DNMBP: variants seen among roughly 807,000 people sequenced by gnomAD.
The protein encoded by DNMBP is dynamin binding protein.
Under a neutral mutation model 150.0 loss-of-function variants are expected in DNMBP, and 87 were observed. The ratio of observed to expected loss-of-function variants is 0.58; its 90% CI spans 0.49 to 0.69. The LOEUF is 0.69. Among genes scored for constraint, DNMBP ranks in the 30% least tolerant of loss-of-function variants. The probability of loss-of-function intolerance (pLI) is 0.00; values close to 1 mark genes in which losing one functional copy is unlikely to be tolerated. For synonymous variants in DNMBP, 711 were observed against 750.4 expected (o/e 0.95, Z 0.86); for missense variants, 1,774 against 1,949.0 (o/e 0.91, Z 1.69).
chr10:99,908,097 G>A lies in DNMBP; in HGVS notation c.2455-3C>T. 6.2e-7 allele frequency: 1 copy of A among 1,603,714 alleles called. No individual in the cohort carries two copies. Among genetic ancestry groups the A allele is most frequent in the Non-Finnish European group, 8.5e-7 (1 of 1,170,764 alleles). On this transcript the variant is annotated splice_region_variant and splice_polypyrimidine_tract_variant and intron_variant, in intron 5 of 16. Coordinates refer to ENST00000324109, the MANE Select transcript of DNMBP (RefSeq NM_015221.4). ...CCCTCAAAATCAATGTTTGGTACCTGAGAAAAGGAAACAAAACATAAAAAT... is the reference window on the plus strand; with the variant it reads ...CCCTCAAAATCAATGTTTGGTACCTAAGAAAAGGAAACAAAACATAAAAAT...
At chr10:99,984,325 A>G (rs1463511059) in intron 1 of DNMBP, among the ~76,000 whole-genome samples, 2 of 152,210 alleles carry the variant, frequency 1.3e-5, no homozygotes, top group Non-Finnish European at 2.9e-5. Context: ...ATGAATCTCA[A>G]TTATGGGTGG....
At chr10:99,942,132 G>A (rs1230875854) in intron 4 of DNMBP, among the ~76,000 whole-genome samples, 1 of 152,088 alleles carries the variant, frequency 6.6e-6, no homozygotes, top group Middle Eastern at 3.2e-3. Flanking sequence ...CATTCTTGCT[G>A]TCTTATCTGT....
intron 7 of DNMBP, 58 bp from the exon 8 acceptor site, chr10:99,898,818 G>A: frequency 6.7e-7 from 1 of 1,495,912 alleles, no homozygotes. Flanking sequence ...AGAATCTTGA[G>A]TTTCACATTT....
intron 4 of DNMBP, among the ~76,000 whole-genome samples, chr10:99,948,758 T>C (rs1589433963): frequency 6.6e-6 from 1 of 151,834 alleles, no homozygotes; most frequent in African/African-American, 2.4e-5. Flanking sequence ...AGGCTAGGAG[T>C]TCGAGACCAG....
chr10:99,882,315 C>T (rs2133193355), intron 15 of DNMBP, among the ~76,000 whole-genome samples: 1 of 152,274 alleles, frequency 6.6e-6, no homozygotes, highest in Non-Finnish European at 1.5e-5. Context: ...GTTACTATAG[C>T]TAATGATAAT....
chr10:99,888,992 G>C, intron 11 of DNMBP, 39 bp from the exon 12 acceptor site: 1 of 1,607,552 alleles, frequency 6.2e-7, no homozygotes, highest in Non-Finnish European at 8.5e-7. Flanking sequence ...AGAACAGACA[G>C]AACTTTCCAG....
At chr10:99,998,702 G>C (rs2040979764) in intron 1 of DNMBP, among the ~76,000 whole-genome samples, 1 of 152,002 alleles carries the variant, frequency 6.6e-6, no homozygotes, top group African/African-American at 2.4e-5. Context: ...TGTGAACATT[G>C]ACTAGACTGT....
intron 1 of DNMBP, among the ~76,000 whole-genome samples, chr10:99,981,800 G>A (rs1394133414): frequency 6.6e-6 from 1 of 152,194 alleles, no homozygotes; most frequent in East Asian, 1.9e-4. Flanking sequence ...TCTGAAGGCA[G>A]AGGGACAGTG....
intron 4 of DNMBP, among the ~76,000 whole-genome samples, chr10:99,936,415 T>C (rs899772187): frequency 1.3e-5 from 2 of 152,116 alleles, no homozygotes; most frequent in African/African-American, 4.8e-5. Flanking sequence ...ATTTTCAGGA[T>C]AGGGACAGTT....
intron 4 of DNMBP, chr10:99,929,951 T>C: frequency 1.4e-6 from 1 of 702,896 alleles, no homozygotes; most frequent in Non-Finnish European, 2.6e-6. Flanking sequence ...AGTTTGCAAA[T>C]AAAGCATCAT....
chr10:99,902,303 C>CTTTTTTTTT (rs34120125), intron 6 of DNMBP, among the ~76,000 whole-genome samples: 27 of 82,772 alleles, frequency 3.3e-4, no homozygotes, highest in Admixed American at 7.1e-4. Flanking sequence ...AGCCTCCCTT[C>CTTTTTTTTT]TTTTTTTTTT....
At chr10:99,883,946 C>T (rs533025422) in intron 15 of DNMBP, 65 bp downstream of exon 15, 146 of 1,487,258 alleles carry the variant, frequency 9.8e-5, no homozygotes, top group Non-Finnish European at 1.3e-4. Flanking sequence ...AGTCCAGATT[C>T]GGGTGCAGCC....
In DNMBP at chr10:99,886,789, T is replaced by A. The variant is rs74155714; in HGVS notation, c.3286-157A>T. 1.2e-3 allele frequency among the ~76,000 whole-genome samples: 183 copies of A among 152,282 alleles called. 1 individual carries two copies. Among genetic ancestry groups the A allele is most frequent in the African/African-American group, 4.3e-3 (179 of 41,558 alleles). ...ATACAGATCTACAACAGTATTCTAC[T>A]AACCCATCACTAGCCTCTACTTAAA... is the stretch of plus-strand genomic sequence containing the variant. On this transcript the variant is annotated intron_variant, in intron 12 of 16. Transcript: ENST00000324109.
intron 6 of DNMBP, 88 bp from the exon 7 acceptor site, chr10:99,900,154 C>T: frequency 1.5e-6 from 2 of 1,310,974 alleles, no homozygotes; most frequent in Non-Finnish European, 1.1e-6. Context: ...ACTTTAGTAC[C>T]AGCTAAATCC....
intron 16 of DNMBP, among the ~76,000 whole-genome samples, chr10:99,878,293 GGGA>G (rs922433025): frequency 2.5e-4 from 38 of 152,330 alleles, no homozygotes; most frequent in African/African-American, 7.0e-4. Context: ...GAGGAGCTCA[GGGA>G]GGAGGAGAAG....
At chr10:99,917,649 C>T (rs1019924289) in intron 4 of DNMBP, among the ~76,000 whole-genome samples, 1 of 152,120 alleles carries the variant, frequency 6.6e-6, no homozygotes, top group Admixed American at 6.5e-5. Flanking sequence ...TCTTTCCTGA[C>T]CTATCAATCC....
At chr10:100,003,568 T>C (rs143899237) in intron 1 of DNMBP, among the ~76,000 whole-genome samples, 1 of 152,180 alleles carries the variant, frequency 6.6e-6, no homozygotes, top group Admixed American at 6.5e-5. Flanking sequence ...TTGGATGGAA[T>C]GAGTTACTAT....
At chr10:99,989,286 A>G (rs1445396437) in intron 1 of DNMBP, among the ~76,000 whole-genome samples, 1 of 152,246 alleles carries the variant, frequency 6.6e-6, no homozygotes, top group Admixed American at 6.5e-5. Context: ...TGGAGATGGC[A>G]TAAGCACAGG....
intron 3 of DNMBP, among the ~76,000 whole-genome samples, chr10:99,968,892 G>C (rs572271432): frequency 1.5e-4 from 23 of 152,112 alleles, no homozygotes; most frequent in African/African-American, 5.3e-4. Flanking sequence ...TACCTCCCAG[G>C]TCTGTGCTGA....
Sources: gnomAD v4.1 joint callset for allele counts (sites outside exome capture counted in the v4.1 genomes callset) on GRCh38, gnomAD v4.1.1 for gene constraint, MANE v1.5 for transcripts, NCBI Gene and HGNC (gene_info 2026-07-23, HGNC 2026-07-21) for gene names.